Variants in FAM83C observed in about 807,000 individuals in gnomAD.
FAM83C encodes the protein protein FAM83C.
FAM83C carries 23 observed loss-of-function variants against 27.1 expected under a neutral mutation model. That is an observed-to-expected ratio of 0.85 (90% CI 0.61 to 1.20). The LOEUF is 1.20. FAM83C is among the 50% of genes most tolerant of loss of function. FAM83C has a pLI of 0.00. For missense variants in FAM83C, 984 were observed against 1,001.3 expected (o/e 0.98, Z 0.23); for synonymous variants, 426 against 423.1 (o/e 1.01, Z -0.09).
chr20:35,287,810 A>G lies in FAM83C; in HGVS notation c.969T>C (p.Arg323=). The G allele has an allele frequency of 1.3e-6, 2 of 1,592,922 alleles. No individual in the cohort carries two copies. The highest frequency in any genetic ancestry group is 1.7e-6 in the Non-Finnish European group (2 of 1,168,650). ...GEDPLSPRAL[R]PPPVALAFRP... ...TGAAGGCTAGGGCCACAGGGGGAGG[A>G]CGCAGTGCCCGGGGAGACAGCGGGT... Residue 323 remains arginine (R), a synonymous_variant, in exon 4 of 4, where the codon CGT becomes CGC. Transcript: ENST00000374408.
rs763239836 is a variant in FAM83C, at chr20:35,288,607, G to C, written c.682-22C>G. The stretch of plus-strand genomic sequence containing the variant: ...TGTTCTAGGTGGAAGTAGGTTGGGG[G>C]TGACCTTGAGAGAGTGAGGCTCAAG... On this transcript the variant is annotated intron_variant, in intron 2 of 3. Transcript: ENST00000374408. 5.0e-5 allele frequency: 80 copies of C among 1,613,182 alleles called. 2 individuals carry two copies. The South Asian group carries it at 8.5e-4, about 17-fold the overall frequency.
rs1600833767 is a variant in FAM83C, at chr20:35,291,819, C to T, written c.486G>A (p.Leu162=). The T allele has an allele frequency of 1.9e-6, 3 of 1,614,036 alleles. No homozygotes were observed. The highest frequency in any genetic ancestry group is 4.5e-5 in the East Asian group (2 of 44,900). Residue 162 remains leucine (L), a synonymous_variant, in exon 1 of 4, where the codon CTG becomes CTA. Transcript: ENST00000374408. ...TGTGGGCCTGGCTGAAAAGGAAGCG[C>T]AGCAGGTCCTTGATGTTCTTGGCCT... is the stretch of plus-strand genomic sequence containing the variant. ...RDKAKNIKDL[L]RFLFSQAHTV... is the part of the protein sequence containing the mutation.
Position 35,292,070 on chromosome 20 carries a change from C to G in FAM83C, c.235G>C (p.Asp79His). Residue 79 changes from aspartate to histidine, a missense_variant, in exon 1 of 4, where the codon GAC (aspartate) becomes CAC (histidine). Physicochemically the swap from Asp to His is moderately conservative, Grantham distance 81. Transcript: ENST00000374408. ...CCGCGCACATGGCTGGTCATGTAGTCCACATCCAGGGCGCTCAGGAAGGGC... is the reference window on the plus strand; with the variant it reads ...CCGCGCACATGGCTGGTCATGTAGTGCACATCCAGGGCGCTCAGGAAGGGC... ...ELPFLSALDV[D>H]YMTSHVRGGP... 6.2e-7 allele frequency: 1 copy of G among 1,611,038 alleles called. No homozygotes were observed. The highest frequency in any genetic ancestry group is 8.5e-7 in the Non-Finnish European group (1 of 1,179,976).
chr20:35,291,879 GC>G lies in FAM83C; in HGVS notation c.425del (p.Ser142ThrfsTer35). On this transcript the variant is annotated frameshift_variant, in exon 1 of 4. Coordinates refer to ENST00000374408, the MANE Select transcript of FAM83C (RefSeq NM_178468.6). LOFTEE classifies it high-confidence loss of function. ...WPEVPQATGF[S>X]PTQAVVHFQR... is the part of the protein sequence containing the mutation. ...GGAAGTGGACCACAGCCTGGGTGGG[GC>G]TGAAGCCTGTGGCCTGTGGCACCTC... 1 of 1,614,112 alleles carries G rather than the reference GC, an allele frequency of 6.2e-7. No homozygotes were observed. Among genetic ancestry groups the G allele is most frequent in the Non-Finnish European group, 8.5e-7 (1 of 1,179,970 alleles).
chr20:35,287,243 G>C lies in FAM83C; in HGVS notation c.1536C>G (p.Val512=), dbSNP rs369777670. Residue 512 remains valine, a synonymous_variant, in exon 4 of 4, where the codon GTC becomes GTG. Transcript: ENST00000374408. The part of the protein sequence containing the change: ...SQSRGQLDLL[V]PFPRAREVGD... ...CCACTTCTCGGGCTCTGGGGAAGGGGACAAGGAGATCCAGCTGGCCACGGC... is the reference window on the plus strand; with the variant it reads ...CCACTTCTCGGGCTCTGGGGAAGGGCACAAGGAGATCCAGCTGGCCACGGC... 3 of 1,612,858 alleles carry C rather than the reference G, an allele frequency of 1.9e-6. No individual in the cohort carries two copies. The African/African-American group carries it at 4.0e-5, about 22-fold the overall frequency.
chr20:35,288,069 T>C, intron 3 of FAM83C, 97 bp from the exon 4 acceptor site: 1 of 1,068,940 alleles, frequency 9.4e-7, no homozygotes, highest in South Asian at 1.6e-5. Flanking sequence ...TCCAGCACGC[T>C]AGACCCAAAC....
chr20:35,288,541 C>G lies in FAM83C; in HGVS notation c.726G>C (p.Lys242Asn). The change falls in exon 3 of 4, where the codon AAG becomes AAC. Residue 242 changes from lysine to asparagine, a missense_variant. Coordinates refer to ENST00000374408, the MANE Select transcript of FAM83C (RefSeq NM_178468.6). ...CCTGCCCCGTGAAGCGGCGGCCAGC[C>G]TTGCTGCAGTATGTGTCCCCACACG... ...RSTCGDTYCSKAGRRFTGQAL... is the reference protein window; with the variant it reads ...RSTCGDTYCSNAGRRFTGQAL... 1 of 1,614,224 alleles carries G rather than the reference C, an allele frequency of 6.2e-7. No homozygotes were observed. Among genetic ancestry groups the G allele is most frequent in the South Asian group, 1.1e-5 (1 of 91,088 alleles).
chr20:35,291,696 C>T, intron 1 of FAM83C, 96 bp downstream of exon 1: 2 of 1,507,790 alleles, frequency 1.3e-6, no homozygotes, highest in Admixed American at 1.8e-5. Context: ...CTCATTCTGC[C>T]CCTAAGTCGC....
Position 35,286,433 on chromosome 20 carries a change from G to A in FAM83C, c.*102C>T. The stretch of plus-strand genomic sequence containing the variant: ...AGAGTGTGTCTGACCTGGGTTTCTA[G>A]ACACCTCCCTTCCCCAGTCTGGGAC... On this transcript the variant is annotated 3_prime_UTR_variant, in exon 4 of 4. Transcript: ENST00000374408. The A allele has an allele frequency of 8.4e-7, 1 of 1,188,668 alleles. No individual in the cohort carries two copies. Among genetic ancestry groups the A allele is most frequent in the Non-Finnish European group, 1.2e-6 (1 of 864,118 alleles). The allele number at this position is 1,188,668 out of a possible 1,614,324, so 73.6% of individuals were successfully genotyped here. A position where few individuals can be genotyped will look rare whatever the true frequency, so the allele number is the denominator to read the frequency against.
rs2060825318 is a variant in FAM83C, at chr20:35,286,482, G to A, written c.*53C>T. 7.3e-6 allele frequency: 11 copies of A among 1,511,790 alleles called. No individual in the cohort carries two copies. The highest frequency in any genetic ancestry group is 1.8e-4 in the Middle Eastern group (1 of 5,582). 93.6% of individuals were successfully genotyped at this position (1,511,790 alleles called of 1,614,324 possible). On this transcript the variant is annotated 3_prime_UTR_variant, in exon 4 of 4. Coordinates refer to ENST00000374408, the MANE Select transcript of FAM83C (RefSeq NM_178468.6). ...ACCTGAGCAAGTCCAGAGTCTCGGTGGACAGAGGAGGGGCCTGCCCTTGCC... is the reference window on the plus strand; with the variant it reads ...ACCTGAGCAAGTCCAGAGTCTCGGTAGACAGAGGAGGGGCCTGCCCTTGCC...
chr20:35,287,126 G>A lies in FAM83C; in HGVS notation c.1653C>T (p.Ala551=), dbSNP rs114056675. 1.7e-3 allele frequency: 2,793 copies of A among 1,603,716 alleles called. 49 individuals carry two copies. The African/African-American group carries it at 0.032, about 18-fold the overall frequency. Reference sequence around the variant, plus strand: ...GGGACAGGAGATCCAGCTGGCTGTCGGCCTGGCTTGGGGACAACCTCCTGT... The same window carrying A: ...GGGACAGGAGATCCAGCTGGCTGTCAGCCTGGCTTGGGGACAACCTCCTGT... The part of the protein sequence containing the change: ...PEDRRLSPSQ[A]DSQLDLLSRA... Residue 551 remains alanine (A), a synonymous_variant, in exon 4 of 4, where the codon GCC becomes GCT. Transcript: ENST00000374408.
At chr20:35,288,374 C>T (rs1309197850) in intron 3 of FAM83C, 87 bp downstream of exon 3, 46 of 1,574,366 alleles carry the variant, frequency 2.9e-5, no homozygotes, top group South Asian at 4.7e-5. Flanking sequence ...AGCCCGTGTC[C>T]GAAGGAAAGG....
rs764803355 is a variant in FAM83C at position 35,287,989 on chromosome 20, A to G, written c.807-17T>C. On this transcript the variant is annotated splice_polypyrimidine_tract_variant and intron_variant, in intron 3 of 3. Transcript: ENST00000374408. ...CAGGTGAAGCTGGGGGCAGAGGGAC[A>G]GGGGGGTCAGGAGGCAAAGTGCAGG... 6.4e-7 allele frequency: 1 copy of G among 1,557,204 alleles called. No individual in the cohort carries two copies. The highest frequency in any genetic ancestry group is 8.7e-7 in the Non-Finnish European group (1 of 1,149,234).
chr20:35,286,778 A>G lies in FAM83C; in HGVS notation c.2001T>C (p.Ser667=). 6.2e-7 allele frequency: 1 copy of G among 1,613,932 alleles called. No individual in the cohort carries two copies. Among genetic ancestry groups the G allele is most frequent in the East Asian group, 2.2e-5 (1 of 44,856 alleles). Residue 667 remains serine, a synonymous_variant, in exon 4 of 4, where the codon TCT becomes TCC. Transcript: ENST00000374408. ...CCAGGGTTAGCCGTTTCTCATCCCC[A>G]GACCCAGCTCCAGCCGTGCGAGCAG... ...SSPARTAGAG[S]GDEKRLTLGH...
Position 35,286,229 on chromosome 20 carries a change from A to AC in FAM83C, c.*305dup. 5.7e-6 allele frequency: 2 copies of AC among 352,758 alleles called. No individual in the cohort carries two copies. Among genetic ancestry groups the AC allele is most frequent in the Non-Finnish European group, 1.0e-5 (2 of 192,578 alleles). The allele number at this position is 352,758 out of a possible 1,614,324, so 21.9% of individuals were successfully genotyped here. ...TAACCTTTAACTTGATATGGCTCTG[A>AC]CCCCTTCTCCAGCAGCTTGTGCATT... On this transcript the variant is annotated 3_prime_UTR_variant, in exon 4 of 4. Transcript: ENST00000374408.
At chr20:35,288,998 G>T in intron 1 of FAM83C, 40 bp from the exon 2 acceptor site, 1 of 1,592,948 alleles carries the variant, frequency 6.3e-7, no homozygotes, top group South Asian at 1.1e-5. Context: ...GCGCTGCCCA[G>T]GGCACTCCCC....
In FAM83C at chr20:35,287,804, G is replaced by A. The variant is rs1366959031; in HGVS notation, c.975C>T (p.Pro325=). ...DPLSPRALRP[P]PVALAFRPDV... is the part of the protein sequence containing the mutation. ...CAGGCCTGAAGGCTAGGGCCACAGG[G>A]GGAGGACGCAGTGCCCGGGGAGACA... Residue 325 remains proline, a synonymous_variant, in exon 4 of 4, where the codon CCC becomes CCT. Transcript: ENST00000374408. 1.3e-6 allele frequency: 2 copies of A among 1,598,180 alleles called. No homozygotes were observed. The highest frequency in any genetic ancestry group is 3.5e-5 in the Admixed American group (2 of 57,658).
chr20:35,291,682 G>C (rs2060847189), intron 1 of FAM83C, 110 bp downstream of exon 1: 1 of 1,413,710 alleles, frequency 7.1e-7, no homozygotes, highest in Admixed American at 1.9e-5. Context: ...CAGAGGTGCT[G>C]GTCCTCATTC....
In FAM83C at chr20:35,288,461, C is replaced by T. The variant is rs1018781255; in HGVS notation, c.806G>A (p.Ser269Asn). Residue 269 changes from serine (S) to asparagine (N), a missense_variant and splice_region_variant, in exon 3 of 4, where the codon AGC (serine) becomes AAC (asparagine). Coordinates refer to ENST00000374408, the MANE Select transcript of FAM83C (RefSeq NM_178468.6). Reference protein sequence around the residue: ...DCEQVVAGSYSFTWLCSQAHT... With the variant: ...DCEQVVAGSYNFTWLCSQAHT... Reference sequence around the variant, plus strand: ...CCCTTGCCTCCTCGTGCCTGCTCACCTGTAACTGCCCGCCACCACTTGCTC... The same window carrying T: ...CCCTTGCCTCCTCGTGCCTGCTCACTTGTAACTGCCCGCCACCACTTGCTC... 1.1e-5 allele frequency: 18 copies of T among 1,614,040 alleles called. No homozygotes were observed. The African/African-American group carries it at 2.0e-4, about 18-fold the overall frequency.
Sources: allele counts gnomAD v4.1 joint callset, GRCh38; gene constraint gnomAD v4.1.1; transcripts MANE v1.5; gene names NCBI Gene and HGNC (gene_info 2026-07-23, HGNC 2026-07-21).